The following PAPSS1 variants were observed in gnomAD, a reference collection of about 807,000 sequenced individuals.
PAPSS1 encodes 3'-phosphoadenosine 5'-phosphosulfate synthase 1, also known as bifunctional 3'-phosphoadenosine 5'-phosphosulfate synthase 1.
A neutral mutation model predicts 72.0 loss-of-function variants in PAPSS1; 50 were observed. The observed-to-expected ratio is 0.69, with a 90% confidence interval of 0.55 to 0.88. The LOEUF is 0.88. PAPSS1 is among the 40% of genes least tolerant of loss of function. The pLI, the probability that PAPSS1 is intolerant of heterozygous loss-of-function variation, is 0.00. For synonymous variants in PAPSS1, 261 were observed against 263.6 expected (o/e 0.99, Z 0.09); for missense variants, 657 against 782.2 (o/e 0.84, Z 1.91).
chr4:107,667,830 T>C (rs1174198835), intron 5 of PAPSS1, among the ~76,000 whole-genome samples: 1 of 152,198 alleles, frequency 6.6e-6, no homozygotes, highest in Non-Finnish European at 1.5e-5. Flanking sequence ...ACACTATTCT[T>C]ATTGCACTTA....
intron 9 of PAPSS1, among the ~76,000 whole-genome samples, chr4:107,646,507 T>C (rs1427742967): frequency 6.6e-6 from 1 of 151,912 alleles, no homozygotes; most frequent in Non-Finnish European, 1.5e-5. Flanking sequence ...CCTTGGCAAA[T>C]GGCAGCTTTT....
Position 107,701,437 on chromosome 4 carries a change from G to C in PAPSS1, c.61-152C>G. The C allele has an allele frequency of 5.5e-6, 3 of 544,694 alleles. No homozygotes were observed. The South Asian group carries it at 7.3e-5, about 13-fold the overall frequency. 33.7% of individuals were successfully genotyped at this position (544,694 alleles called of 1,614,324 possible). A position where few individuals can be genotyped will look rare whatever the true frequency, so the allele number is the denominator to read the frequency against. On this transcript the variant is annotated intron_variant, in intron 1 of 11. Coordinates refer to ENST00000265174, the MANE Select transcript of PAPSS1 (RefSeq NM_005443.5). The stretch of plus-strand genomic sequence containing the variant: ...TTTTTTTCCTTAGAGTACTGGCATG[G>C]TGTTTACTGCTTTCCACATGCCAAC...
At chr4:107,658,493 C>G (rs923320358) in intron 6 of PAPSS1, among the ~76,000 whole-genome samples, 10 of 152,170 alleles carry the variant, frequency 6.6e-5, no homozygotes, top group African/African-American at 2.4e-4. Context: ...CCCATTAGAA[C>G]GTCAAAGGAC....
intron 1 of PAPSS1, among the ~76,000 whole-genome samples, chr4:107,704,327 C>A (rs148107791): frequency 7.2e-5 from 11 of 152,260 alleles, no homozygotes; most frequent in African/African-American, 1.4e-4. Context: ...AATTTGGATG[C>A]CTTTTATTTA....
At chr4:107,637,964 T>C (rs546336241) in intron 10 of PAPSS1, among the ~76,000 whole-genome samples, 1 of 152,290 alleles carries the variant, frequency 6.6e-6, no homozygotes, top group East Asian at 1.9e-4. Flanking sequence ...TCCCAAATCA[T>C]AGTGGCCTGC....
chr4:107,653,672 A>G (rs767505577), intron 8 of PAPSS1, 46 bp from the exon 9 acceptor site: 24 of 1,545,204 alleles, frequency 1.6e-5, no homozygotes, highest in Non-Finnish European at 2.0e-5. Context: ...AGATCAAAAT[A>G]AGTAAAAACA....
intron 5 of PAPSS1, among the ~76,000 whole-genome samples, chr4:107,663,246 T>C (rs781694998): frequency 5.3e-5 from 8 of 152,118 alleles, no homozygotes; most frequent in Non-Finnish European, 1.2e-4. Flanking sequence ...AGGTCAGTTA[T>C]TTCCAATGTT....
intron 2 of PAPSS1, among the ~76,000 whole-genome samples, chr4:107,697,514 A>T (rs1222547581): frequency 2.6e-5 from 4 of 152,244 alleles, no homozygotes; most frequent in Admixed American, 2.0e-4. Context: ...CACAACAAAA[A>T]CAACCTAAAT....
intron 1 of PAPSS1, among the ~76,000 whole-genome samples, chr4:107,717,219 G>A (rs1739455001): frequency 6.6e-6 from 1 of 151,982 alleles, no homozygotes; most frequent in Non-Finnish European, 1.5e-5. Flanking sequence ...TTATTTCGCG[G>A]TTACTTTTTA....
At chr4:107,716,220 C>G (rs988493805) in intron 1 of PAPSS1, among the ~76,000 whole-genome samples, 6 of 152,154 alleles carry the variant, frequency 3.9e-5, no homozygotes, top group Non-Finnish European at 7.3e-5. Context: ...CAGAAGAGCA[C>G]AAACAATTCA....
intron 2 of PAPSS1, among the ~76,000 whole-genome samples, chr4:107,699,670 T>C (rs946160156): frequency 6.6e-6 from 1 of 152,134 alleles, no homozygotes; most frequent in Non-Finnish European, 1.5e-5. Context: ...AATTCCTTAG[T>C]CATCCAGATG....
chr4:107,653,431 A>C, intron 9 of PAPSS1, 60 bp downstream of exon 9: 1 of 1,525,828 alleles, frequency 6.6e-7, no homozygotes, highest in Non-Finnish European at 8.9e-7. Flanking sequence ...CACTGGAAAA[A>C]ATCGTCTAGA....
chr4:107,668,084 T>G (rs1727369898), intron 5 of PAPSS1, among the ~76,000 whole-genome samples: 1 of 152,164 alleles, frequency 6.6e-6, no homozygotes, highest in Non-Finnish European at 1.5e-5. Context: ...AAGATTCATA[T>G]TTCAGAAATA....
intron 1 of PAPSS1, among the ~76,000 whole-genome samples, chr4:107,702,210 G>C (rs1294993131): frequency 1.3e-5 from 2 of 152,146 alleles, no homozygotes; most frequent in African/African-American, 4.8e-5. Flanking sequence ...GGAAATATTG[G>C]AATCCTCATA....
chr4:107,614,460 T>G, intron 11 of PAPSS1, 73 bp from the exon 12 acceptor site: 2 of 1,161,914 alleles, frequency 1.7e-6, no homozygotes, highest in South Asian at 1.4e-5. Flanking sequence ...ATTTGTTCCT[T>G]CTGTTCATAT....
At chr4:107,719,187 G>GTTTTTTTTTTTTTTTTTT (rs9307313) in intron 1 of PAPSS1, among the ~76,000 whole-genome samples, 4 of 146,416 alleles carry the variant, frequency 2.7e-5, no homozygotes, top group Non-Finnish European at 3.0e-5. Context: ...GAAATTGCTT[G>GTTTTTTTTTTTTTTTTTT]TTTTTTTTTT....
Position 107,675,044 on chromosome 4 carries a change from A to G in PAPSS1, c.669+6971T>C, listed in dbSNP as rs565937688. ...GACACATTCAAAGCAGTGTGTAGAG[A>G]GAAATTTATAGCACTAAATGCCCAC... On this transcript the variant is annotated intron_variant, in intron 5 of 11. Coordinates refer to ENST00000265174, the MANE Select transcript of PAPSS1 (RefSeq NM_005443.5). Among the ~76,000 whole-genome samples, 23 of 152,276 alleles carry G rather than the reference A, an allele frequency of 1.5e-4. No individual in the cohort carries two copies. In the South Asian group the frequency reaches 4.2e-3, roughly 28 times the overall value.
chr4:107,688,687 G>C (rs1323027113), intron 3 of PAPSS1, among the ~76,000 whole-genome samples: 2 of 151,992 alleles, frequency 1.3e-5, no homozygotes, highest in Non-Finnish European at 2.9e-5. Context: ...ACAGCCCACT[G>C]CTCACCTTAC....
intron 3 of PAPSS1, among the ~76,000 whole-genome samples, chr4:107,689,835 C>T (rs1334668707): frequency 1.3e-5 from 2 of 152,140 alleles, no homozygotes; most frequent in Non-Finnish European, 2.9e-5. Context: ...ACATAACCCA[C>T]CAAAAATGAA....
Sources: gnomAD v4.1 joint callset for allele counts (sites outside exome capture counted in the v4.1 genomes callset) on GRCh38, gnomAD v4.1.1 for gene constraint, MANE v1.5 for transcripts, NCBI Gene and HGNC (gene_info 2026-07-23, HGNC 2026-07-21) for gene names.